SMG1: variants seen among roughly 807,000 people sequenced by gnomAD.
SMG1 encodes the protein SMG1 nonsense mediated mRNA decay associated PI3K related kinase.
A neutral mutation model predicts 419.9 loss-of-function variants in SMG1; 22 were observed. That is an observed-to-expected ratio of 0.05 (90% CI 0.04 to 0.07). The LOEUF is 0.07. Ranked by LOEUF, SMG1 falls within the 10% of genes least tolerant of loss-of-function variation. SMG1 has a pLI of 1.00. For synonymous variants in SMG1, 1,538 were observed against 1,553.5 expected (o/e 0.99, Z 0.23); for missense variants, 3,185 against 4,342.0 (o/e 0.73, Z 7.49).
intron 1 of SMG1, among the ~76,000 whole-genome samples, chr16:18,904,993 G>A (rs1430906450): frequency 6.6e-6 from 1 of 152,010 alleles, no homozygotes; most frequent in Non-Finnish European, 1.5e-5. Flanking sequence ...CGGGCACGGT[G>A]GCTTACGCCT....
At chr16:18,862,196 T>C in intron 25 of SMG1, among the ~76,000 whole-genome samples, 1 of 152,198 alleles carries the variant, frequency 6.6e-6, no homozygotes, top group East Asian at 1.9e-4. Flanking sequence ...CCCTAGAGCA[T>C]CTGACAAGGC....
intron 51 of SMG1, among the ~76,000 whole-genome samples, chr16:18,832,521 C>T (rs1485410586): frequency 6.6e-6 from 1 of 151,792 alleles, no homozygotes; most frequent in Non-Finnish European, 1.5e-5. Context: ...TGTGTATGTA[C>T]ATGTACATAA....
At chr16:18,869,434 T>C in intron 19 of SMG1, 131 bp from the exon 20 acceptor site, 1 of 725,624 alleles carries the variant, frequency 1.4e-6, no homozygotes, top group Non-Finnish European at 2.3e-6. Flanking sequence ...CCTATGAAAT[T>C]GAGAAGCATT....
intron 8 of SMG1, 135 bp from the exon 9 acceptor site, chr16:18,884,302 T>C (rs1404859192): frequency 1.0e-5 from 5 of 480,612 alleles, no homozygotes; most frequent in Non-Finnish European, 1.9e-5. Context: ...ATGTCCTATA[T>C]CATAAAATTA....
At chr16:18,832,061 C>T (rs565797362) in intron 51 of SMG1, among the ~76,000 whole-genome samples, 82 of 152,034 alleles carry the variant, frequency 5.4e-4, no homozygotes, top group Non-Finnish European at 9.4e-4. Context: ...ACCAGACTAG[C>T]CCAGTGCAGA....
rs1567474200 is a variant in SMG1, at chr16:18,926,153, GAGA to G, written c.-115_-113del. On this transcript the variant is annotated 5_prime_UTR_variant, in exon 1 of 63. Coordinates refer to ENST00000446231, the MANE Select transcript of SMG1 (RefSeq NM_015092.5). ...CCGGCCCGGGGCTGAGGAGGAAGCC[GAGA>G]AGGAGGAGGAGGAGGAGGAGGAGGA... The G allele has an allele frequency of 1.4e-5, 13 of 898,304 alleles. No individual in the cohort carries two copies. The highest frequency in any genetic ancestry group is 3.2e-5 in the Admixed American group (1 of 31,232). The allele number at this position is 898,304 out of a possible 1,614,324, so 55.6% of individuals were successfully genotyped here.
At position 18,896,909 on chromosome 16, in the gene SMG1, G is replaced by A. The variant is rs761914716; in HGVS notation, c.140C>T (p.Ser47Phe). 6.3e-7 allele frequency: 1 copy of A among 1,599,130 alleles called. No homozygotes were observed. The highest frequency in any genetic ancestry group is 1.1e-5 in the South Asian group (1 of 89,534). Residue 47 changes from serine to phenylalanine, a missense_variant, in exon 2 of 63, where the codon TCC becomes TTC. Coordinates refer to ENST00000446231, the MANE Select transcript of SMG1 (RefSeq NM_015092.5). ...ADPDNLKYSS[S>F]RDRGGSSSYG... ...AGAGGAAGAACCACCTCTATCTCTG[G>A]ATGAAGAATATTTTAAATTATCTGG...
At position 18,837,396 on chromosome 16, in the gene SMG1, C is replaced by T; in HGVS notation, c.7461G>A (p.Lys2487=). 1.9e-6 allele frequency: 3 copies of T among 1,613,982 alleles called. No individual in the cohort carries two copies. The highest frequency in any genetic ancestry group is 2.5e-6 in the Non-Finnish European group (3 of 1,179,880). Residue 2487 remains lysine, a synonymous_variant, in exon 46 of 63, where the codon AAG becomes AAA. Coordinates refer to ENST00000446231, the MANE Select transcript of SMG1 (RefSeq NM_015092.5). ...NRDEMLVVLP[K]LDGSLDEYLS... is the part of the protein sequence containing the mutation. ...GGTATTCATCTAAGCTACCGTCCAA[C>T]TTGGGAAGCACAACCAGCATCTCAT...
At chr16:18,842,567 G>A (rs1039278367) in intron 39 of SMG1, 113 bp from the exon 40 acceptor site, 4 of 1,053,466 alleles carry the variant, frequency 3.8e-6, no homozygotes, top group Non-Finnish European at 2.7e-6. Flanking sequence ...GCTCATGCCT[G>A]TAATCCCAGC....
At chr16:18,890,211 C>G (rs1280751876) in intron 5 of SMG1, among the ~76,000 whole-genome samples, 3 of 152,176 alleles carry the variant, frequency 2.0e-5, no homozygotes, top group Admixed American at 1.3e-4. Flanking sequence ...TCCTTTTTAC[C>G]TCTATTCTCC....
At position 18,838,707 on chromosome 16, in the gene SMG1, G is replaced by A. The variant is rs761114774; in HGVS notation, c.6946-18C>T. ...GCATAAGACTAAAGGAAAGGAAATG[G>A]GGGCAGCAAGTGAAACACCATTAAG... On this transcript the variant is annotated intron_variant, in intron 42 of 62. Transcript: ENST00000446231. The A allele has an allele frequency of 6.6e-7, 1 of 1,525,410 alleles. No individual in the cohort carries two copies. The highest frequency in any genetic ancestry group is 8.9e-7 in the Non-Finnish European group (1 of 1,125,134). 94.5% of individuals were successfully genotyped at this position (1,525,410 alleles called of 1,614,324 possible). A position where few individuals can be genotyped will look rare whatever the true frequency, so the allele number is the denominator to read the frequency against.
At chr16:18,862,526 C>T (rs542812597) in intron 25 of SMG1, among the ~76,000 whole-genome samples, 1 of 152,308 alleles carries the variant, frequency 6.6e-6, no homozygotes, top group African/African-American at 2.4e-5. Flanking sequence ...CTCATCTGCA[C>T]ATTTCATTAC....
intron 1 of SMG1, among the ~76,000 whole-genome samples, chr16:18,919,327 T>TAA (rs1318337541): frequency 6.8e-6 from 1 of 147,980 alleles, no homozygotes; most frequent in African/African-American, 2.5e-5. Flanking sequence ...ACCCCATCTC[T>TAA]AAAAAAAAAA....
chr16:18,847,383 T>G, intron 38 of SMG1, 70 bp downstream of exon 38: 1 of 1,543,848 alleles, frequency 6.5e-7, no homozygotes, highest in Non-Finnish European at 8.9e-7. Context: ...AAATAGTAAA[T>G]TTTATGTTAT....
At chr16:18,816,265 A>G (rs981190207) in intron 58 of SMG1, 37 bp downstream of exon 58, 1 of 1,485,104 alleles carries the variant, frequency 6.7e-7, no homozygotes, top group African/African-American at 1.4e-5. Context: ...TTTATAACAG[A>G]GGGAGAGTAA....
rs1298987053 is a variant in SMG1, at chr16:18,826,883, TCA to T, written c.9741+1146_9741+1147del. Reference sequence around the variant, plus strand: ...CTCGTTGCCGCCTTGCAGTTTGATCTCAGACTGCTGTGCTAGCAATCAGCGAG... The same window carrying T: ...CTCGTTGCCGCCTTGCAGTTTGATCTGACTGCTGTGCTAGCAATCAGCGAG... On this transcript the variant is annotated intron_variant, in intron 55 of 62. Coordinates refer to ENST00000446231, the MANE Select transcript of SMG1 (RefSeq NM_015092.5). Among the ~76,000 whole-genome samples, 2 of 47,656 alleles carry T rather than the reference TCA, an allele frequency of 4.2e-5. 1 individual carries two copies. The highest frequency in any genetic ancestry group is 9.5e-5 in the Non-Finnish European group (2 of 21,004). 31.3% of individuals were successfully genotyped at this position (47,656 alleles called of 152,430 possible). A position where few individuals can be genotyped will look rare whatever the true frequency, so the allele number is the denominator to read the frequency against.
At chr16:18,914,661 A>G (rs9930627) in intron 1 of SMG1, among the ~76,000 whole-genome samples, 147,192 of 152,148 alleles carry the variant, frequency 0.97, 71,348 homozygotes, top group African/African-American at 0.99. Context: ...TCCAGCCTGG[A>G]TGACAAATAA....
At position 18,815,476 on chromosome 16, in the gene SMG1, G is replaced by A; in HGVS notation, c.10478C>T (p.Thr3493Ile). The A allele has an allele frequency of 6.2e-7, 1 of 1,613,992 alleles. No individual in the cohort carries two copies. The highest frequency in any genetic ancestry group is 8.5e-7 in the Non-Finnish European group (1 of 1,179,884). ...TGTTTTCAGTTCTTTCAAGGTGGGA[G>A]TGATTTCCTGGAGCATTTCAACGTG... Reference protein sequence around the residue: ...QEHVEMLQEITPTLKELKTQS... With the variant: ...QEHVEMLQEIIPTLKELKTQS... Residue 3493 changes from threonine (T) to isoleucine (I), a missense_variant, in exon 59 of 63, where the codon ACT (threonine) becomes ATT (isoleucine). Thr to Ile is a moderately conservative substitution (Grantham distance 89). This residue lies in a region of SMG1 where 737 missense variants were observed against 846.6 expected (regional missense o/e 0.87). Transcript: ENST00000446231.
At chr16:18,904,550 A>G (rs2037482640) in intron 1 of SMG1, among the ~76,000 whole-genome samples, 2 of 151,936 alleles carry the variant, frequency 1.3e-5, no homozygotes, top group South Asian at 4.2e-4. Context: ...AGGCAGGGGA[A>G]TCGTTTGAAC....
Sources: gnomAD v4.1 joint callset for allele counts (sites outside exome capture counted in the v4.1 genomes callset) on GRCh38, gnomAD v4.1.1 for gene constraint, gnomAD v4.1.1 regional missense constraint, MANE v1.5 for transcripts, NCBI Gene and HGNC (gene_info 2026-07-23, HGNC 2026-07-21) for gene names.